XPNPEP2: variants seen among roughly 807,000 people sequenced by gnomAD.
XPNPEP2 encodes the protein X-prolyl aminopeptidase 2, also known as xaa-Pro aminopeptidase 2.
XPNPEP2 carries 64 observed loss-of-function variants against 59.8 expected under a neutral mutation model. That is an observed-to-expected ratio of 1.07 (90% CI 0.87 to 1.32). The LOEUF (loss-of-function observed/expected upper bound fraction) is 1.32, where lower values mean the gene tolerates loss of function less well. Ranked by LOEUF, XPNPEP2 falls within the 40% of genes most tolerant of loss-of-function variation. The probability of loss-of-function intolerance (pLI) is 0.00; values close to 1 mark genes in which losing one functional copy is unlikely to be tolerated. For synonymous variants in XPNPEP2, 235 were observed against 210.0 expected, an observed-to-expected ratio of 1.12 and a Z score of -1.03; for missense variants, 575 against 546.8, an observed-to-expected ratio of 1.05 and a Z score of -0.51.
intron 13 of XPNPEP2, 39 bp downstream of exon 13, chrX:129,755,410 G>A (rs141212293): frequency 0.038 from 44,250 of 1,152,027 alleles, 725 homozygotes; most frequent in Non-Finnish European, 0.045. Context: ...CCCTGTTGGG[G>A]CATCCTGTTG....
chrX:129,757,859 G>GAAAGAAAGAAAGAA (rs1304726060), intron 14 of XPNPEP2, among the ~76,000 whole-genome samples: 1 of 71,790 alleles, frequency 1.4e-5, no homozygotes, highest in South Asian at 7.0e-4. Context: ...AAGAAAGAAA[G>GAAAGAAAGAAAGAA]AGGGAGAGAG....
chrX:129,756,574 C>A lies in XPNPEP2; in HGVS notation c.1367+19C>A, dbSNP rs753321203. 2 of 1,204,895 alleles carry A rather than the reference C, an allele frequency of 1.7e-6. No individual in the cohort carries two copies. The highest frequency in any genetic ancestry group is 1.8e-5 in the South Asian group (1 of 56,796). On this transcript the variant is annotated intron_variant, in intron 14 of 20. Coordinates refer to ENST00000371106, the MANE Select transcript of XPNPEP2 (RefSeq NM_003399.6). ...AGTACTGGTATGTACCCCGACCTCA[C>A]CCTAGCCTGGATGTCTCTGCTCAGA...
intron 11 of XPNPEP2, among the ~76,000 whole-genome samples, chrX:129,753,731 T>TATAGAGC (rs1926465162): frequency 8.9e-6 from 1 of 111,831 alleles, no homozygotes; most frequent in African/African-American, 3.3e-5. Context: ...CCCAATATAG[T>TATAGAGC]ACAGTGGTTT....
At chrX:129,763,358 C>G (rs1926691383) in intron 19 of XPNPEP2, among the ~76,000 whole-genome samples, 1 of 112,053 alleles carries the variant, frequency 8.9e-6, no homozygotes, top group Non-Finnish European at 1.9e-5. Flanking sequence ...GCGAAGATAG[C>G]TAGGAAAATT....
Position 129,767,595 on chromosome X carries a change from G to A in XPNPEP2, c.1741-8G>A, listed in dbSNP as rs1926774378. ...CCTGCTTACCCGGCTTCTATTCTGG[G>A]CTCCCAGTACCCAGGGAGCTACCTG... On this transcript the variant is annotated splice_region_variant and splice_polypyrimidine_tract_variant and intron_variant, in intron 19 of 20. Transcript: ENST00000371106. 1.7e-6 allele frequency: 2 copies of A among 1,208,519 alleles called. No individual in the cohort carries two copies. The highest frequency in any genetic ancestry group is 1.1e-6 in the Non-Finnish European group (1 of 894,135).
At chrX:129,742,030 G>A (rs1386416370) in intron 1 of XPNPEP2, 78 bp from the exon 2 acceptor site, 6 of 968,999 alleles carry the variant, frequency 6.2e-6, no homozygotes, top group East Asian at 3.1e-5. Flanking sequence ...CCCGTGGGGC[G>A]GGCTGAGAGG....
chrX:129,751,670 AG>A (rs1379884020), intron 8 of XPNPEP2, 74 bp from the exon 9 acceptor site: 25 of 844,199 alleles, frequency 3.0e-5, no homozygotes, highest in Non-Finnish European at 3.6e-5. Flanking sequence ...AAGGAAGGAA[AG>A]GAAAAAAAGA....
Position 129,762,756 on chromosome X carries a change from G to A in XPNPEP2, c.1726G>A (p.Glu576Lys), listed in dbSNP as rs754528516. ...IRLEDVALVV[E>K]AKTKYPGSYL... ...TCTCGAAGATGTGGCTCTCGTGGTA[G>A]AAGCAAAGACCAAGGTAAACTGCCA... The change falls in exon 19 of 21, where the codon GAA becomes AAA. Residue 576 changes from glutamate to lysine, a missense_variant. Transcript: ENST00000371106. The A allele has an allele frequency of 2.6e-5, 32 of 1,210,265 alleles. No homozygotes were observed. In the South Asian group the frequency reaches 4.2e-4, roughly 16 times the overall value.
At chrX:129,757,872 A>G (rs1251231059) in intron 14 of XPNPEP2, among the ~76,000 whole-genome samples, 15 of 65,650 alleles carry the variant, frequency 2.3e-4, no homozygotes, top group African/African-American at 1.4e-3. Context: ...GGAGAGAGAG[A>G]AAGAGAGAGA....
rs372553197 is a variant in XPNPEP2 at position 129,751,732 on chromosome X, A to G, written c.740-13A>G. ...GATCAGCATTAAATATTCCTTGTCA[A>G]TTCTCTTCCCAGGGCTCTTCAACCT... On this transcript the variant is annotated splice_polypyrimidine_tract_variant and intron_variant, in intron 8 of 20. Transcript: ENST00000371106. 8.3e-7 allele frequency: 1 copy of G among 1,202,439 alleles called. No individual in the cohort carries two copies. The highest frequency in any genetic ancestry group is 1.1e-6 in the Non-Finnish European group (1 of 887,911).
At chrX:129,758,875 A>C (rs1248118100) in intron 14 of XPNPEP2, among the ~76,000 whole-genome samples, 1 of 111,991 alleles carries the variant, frequency 8.9e-6, no homozygotes, top group Non-Finnish European at 1.9e-5. Flanking sequence ...CCTTGCTTTC[A>C]TAACCAGCTG....
intron 14 of XPNPEP2, among the ~76,000 whole-genome samples, chrX:129,757,864 AG>A (rs1569477228): frequency 3.3e-3 from 225 of 68,258 alleles, no homozygotes; most frequent in African/African-American, 0.01. Context: ...AGAAAGAGGG[AG>A]AGAGAGAAAG....
In XPNPEP2 at chrX:129,753,255, C is replaced by G. The variant is rs765428126; in HGVS notation, c.1107+7C>G. The stretch of plus-strand genomic sequence containing the variant: ...CCTCCTCAAGGCCAGCCACGTAAGT[C>G]CACGTTCAGGCAGACATGGCCTTTT... On this transcript the variant is annotated splice_region_variant and intron_variant, in intron 11 of 20. Coordinates refer to ENST00000371106, the MANE Select transcript of XPNPEP2 (RefSeq NM_003399.6). 8.3e-7 allele frequency: 1 copy of G among 1,204,591 alleles called. No individual in the cohort carries two copies. Among genetic ancestry groups the G allele is most frequent in the African/African-American group, 1.8e-5 (1 of 57,124 alleles).
chrX:129,753,469 C>T (rs1276322063), intron 11 of XPNPEP2, among the ~76,000 whole-genome samples: 2 of 110,844 alleles, frequency 1.8e-5, no homozygotes, highest in African/African-American at 6.6e-5. Context: ...ATGGTGAAGC[C>T]CTGTCTCTAC....
chrX:129,756,687 C>A, intron 14 of XPNPEP2, 132 bp downstream of exon 14: 2 of 629,675 alleles, frequency 3.2e-6, no homozygotes, highest in Non-Finnish European at 5.0e-6. Context: ...TGGAATGAGC[C>A]CCGAACATCC....
intron 18 of XPNPEP2, among the ~76,000 whole-genome samples, chrX:129,762,487 G>A (rs1013907878): frequency 1.8e-5 from 2 of 111,706 alleles, no homozygotes; most frequent in Non-Finnish European, 3.8e-5. Flanking sequence ...GTGAGTCAGA[G>A]ATGCCCCTGT....
At chrX:129,740,143 C>A in intron 1 of XPNPEP2, among the ~76,000 whole-genome samples, 1 of 113,033 alleles carries the variant, frequency 8.8e-6, no homozygotes, top group Middle Eastern at 4.6e-3. Context: ...GCTGTGTCCT[C>A]ATTCTTATGT....
rs142870526 is a variant in XPNPEP2 at position 129,749,224 on chromosome X, T to C, written c.638-1244T>C. On this transcript the variant is annotated intron_variant, in intron 7 of 20. Transcript: ENST00000371106. The stretch of plus-strand genomic sequence containing the variant: ...ATAGAGACAGAAAATAGATTAGGGA[T>C]TTCCTGGGGCTCAGGGGAGGGGGGA... Among the ~76,000 whole-genome samples the C allele has an allele frequency of 7.1e-3, 794 of 111,463 alleles. 7 individuals carry two copies. The highest frequency in any genetic ancestry group is 0.024 in the African/African-American group (725 of 30,631).
chrX:129,756,454 GC>G (rs774922775), intron 13 of XPNPEP2, 29 bp from the exon 14 acceptor site: 6 of 1,206,611 alleles, frequency 5.0e-6, no homozygotes, highest in Non-Finnish European at 6.7e-6. Context: ...GGGTTAGGCT[GC>G]CCTTCTCAAC....
Sources: gnomAD v4.1 joint callset for allele counts (sites outside exome capture counted in the v4.1 genomes callset) on GRCh38, gnomAD v4.1.1 for gene constraint, MANE v1.5 for transcripts, NCBI Gene and HGNC (gene_info 2026-07-23, HGNC 2026-07-21) for gene names.